The following TNRC6A variants were observed in gnomAD, a reference collection of about 807,000 sequenced individuals.
TNRC6A encodes trinucleotide repeat-containing gene 6A protein.
Under a neutral mutation model 221.2 loss-of-function variants are expected in TNRC6A, and 44 were observed. That is an observed-to-expected ratio of 0.20 (90% CI 0.16 to 0.26). TNRC6A has a LOEUF of 0.26. Among genes scored for constraint, TNRC6A ranks in the 10% least tolerant of loss-of-function variants. TNRC6A has a pLI of 1.00. For missense variants in TNRC6A, 2,199 were observed against 2,404.4 expected (o/e 0.91, Z 1.79); for synonymous variants, 847 against 838.5 (o/e 1.01, Z -0.18).
intron 2 of TNRC6A, among the ~76,000 whole-genome samples, chr16:24,691,826 G>C (rs1262352921): frequency 6.6e-6 from 1 of 151,986 alleles, no homozygotes; most frequent in Non-Finnish European, 1.5e-5. Context: ...AAGAAGGACA[G>C]ACATCTGGAA....
chr16:24,658,191 G>A (rs948636657), intron 2 of TNRC6A, among the ~76,000 whole-genome samples: 3 of 152,080 alleles, frequency 2.0e-5, no homozygotes, highest in Non-Finnish European at 4.4e-5. Flanking sequence ...TTTTGTTTCT[G>A]CTTGCTGTTT....
intron 2 of TNRC6A, among the ~76,000 whole-genome samples, chr16:24,681,635 A>C (rs916660591): frequency 7.9e-5 from 12 of 152,154 alleles, no homozygotes; most frequent in Non-Finnish European, 1.3e-4. Flanking sequence ...CATTGTATAC[A>C]TGTGTTGTAA....
In TNRC6A at chr16:24,790,542, G is replaced by A; in HGVS notation, c.1900G>A (p.Gly634Ser). 1 of 1,614,224 alleles carries A rather than the reference G, an allele frequency of 6.2e-7. No individual in the cohort carries two copies. Among genetic ancestry groups the A allele is most frequent in the Non-Finnish European group, 8.5e-7 (1 of 1,180,050 alleles). ...QHSNDSANGN[G>S]KTFTNGWKST... ...TTCCAATGATAGTGCAAATGGCAAT[G>A]GTAAGACGTTTACAAATGGATGGAA... The change falls in exon 6 of 25, where the codon GGT becomes AGT. Residue 634 changes from glycine to serine, a missense_variant. By Grantham distance (56) the Gly-to-Ser change is moderately conservative. Coordinates refer to ENST00000395799, the MANE Select transcript of TNRC6A (RefSeq NM_014494.4).
intron 20 of TNRC6A, among the ~76,000 whole-genome samples, chr16:24,818,114 T>C (rs1212270069): frequency 6.6e-6 from 1 of 152,120 alleles, no homozygotes; most frequent in African/African-American, 2.4e-5. Flanking sequence ...AATGGAAAGC[T>C]ACACCAGGTT....
At chr16:24,625,731 T>TCAAAA (rs1334208676) in intron 1 of TNRC6A, among the ~76,000 whole-genome samples, 2 of 47,348 alleles carry the variant, frequency 4.2e-5, no homozygotes, top group Non-Finnish European at 3.6e-5. Flanking sequence ...AGACTCCGTC[T>TCAAAA]CAAAACAAAA....
chr16:24,646,938 A>C (rs998517279), intron 2 of TNRC6A, among the ~76,000 whole-genome samples: 3 of 151,814 alleles, frequency 2.0e-5, no homozygotes, highest in African/African-American at 7.3e-5. Context: ...TTATTTATTC[A>C]TTTATTTTGA....
Position 24,730,253 on chromosome 16 carries a change from A to G in TNRC6A, c.6A>G (p.Arg2=). Residue 2 remains arginine, a splice_region_variant and synonymous_variant, in exon 2 of 25, where the codon AGA becomes AGG. Coordinates refer to ENST00000395799, the MANE Select transcript of TNRC6A (RefSeq NM_014494.4). ...TTTTGTTTTTGTTTTTTTGTTTCAG[A>G]GAATTGGAAGCTAAAGCTACCAAAG... M[R]ELEAKATKDV... 6.2e-7 allele frequency: 1 copy of G among 1,600,798 alleles called. No individual in the cohort carries two copies. Among genetic ancestry groups the G allele is most frequent in the East Asian group, 2.3e-5 (1 of 43,450 alleles).
intron 5 of TNRC6A, among the ~76,000 whole-genome samples, chr16:24,780,843 A>C (rs944944611): frequency 6.6e-6 from 1 of 152,046 alleles, no homozygotes; most frequent in South Asian, 2.1e-4. Context: ...TGTTAACATT[A>C]AAGTTTCTGG....
intron 22 of TNRC6A, chr16:24,821,861 C>T (rs2058771991): frequency 1.7e-6 from 1 of 576,624 alleles, no homozygotes; most frequent in African/African-American, 1.9e-5. Flanking sequence ...GGGAGCCATT[C>T]TGAGCTCACT....
intron 4 of TNRC6A, among the ~76,000 whole-genome samples, chr16:24,774,252 C>T (rs1218592124): frequency 6.6e-6 from 1 of 152,202 alleles, no homozygotes; most frequent in African/African-American, 2.4e-5. Context: ...ACTCCTTCTG[C>T]ACTCATTACT....
intron 2 of TNRC6A, among the ~76,000 whole-genome samples, chr16:24,649,325 T>C (rs570976045): frequency 1.3e-3 from 194 of 152,250 alleles, no homozygotes; most frequent in Non-Finnish European, 1.5e-3. Flanking sequence ...TTTTGTTTTT[T>C]TGAGACAGGG....
intron 4 of TNRC6A, among the ~76,000 whole-genome samples, chr16:24,771,811 T>C (rs962834434): frequency 2.0e-5 from 3 of 152,166 alleles, no homozygotes; most frequent in Non-Finnish European, 2.9e-5. Flanking sequence ...TGTTATACTA[T>C]AGGACCTTCT....
At chr16:24,654,203 G>T (rs1902828180) in intron 2 of TNRC6A, among the ~76,000 whole-genome samples, 2 of 152,154 alleles carry the variant, frequency 1.3e-5, no homozygotes, top group South Asian at 4.1e-4. Flanking sequence ...TGGGATTACA[G>T]GTGTGACCCA....
intron 5 of TNRC6A, among the ~76,000 whole-genome samples, chr16:24,783,637 C>T (rs1417600610): frequency 2.6e-5 from 4 of 151,886 alleles, no homozygotes; most frequent in African/African-American, 9.7e-5. Flanking sequence ...CTAAATAACG[C>T]GCAACCTTCC....
intron 9 of TNRC6A, among the ~76,000 whole-genome samples, chr16:24,797,152 C>T (rs1031841637): frequency 3.3e-5 from 5 of 152,114 alleles, no homozygotes; most frequent in Non-Finnish European, 7.4e-5. Flanking sequence ...TTCCAGAAAT[C>T]TAAATTATAA....
At position 24,820,222 on chromosome 16, in the gene TNRC6A, T is replaced by C. The variant is rs1355627993; in HGVS notation, c.5164T>C (p.Leu1722=). ...SLAHELWKVP[L]PPKNITAPSR... is the part of the protein sequence containing the mutation. ...GGCTCATGAGCTGTGGAAGGTCCCT[T>C]TGCCACCTAAAAACATCACTGCTCC... Residue 1722 remains leucine (L), a synonymous_variant, in exon 22 of 25, where the codon TTG becomes CTG. Transcript: ENST00000395799. The C allele has an allele frequency of 6.2e-7, 1 of 1,614,132 alleles. No homozygotes were observed. The highest frequency in any genetic ancestry group is 1.3e-5 in the African/African-American group (1 of 75,036).
In TNRC6A at chr16:24,710,672, T is replaced by C. The variant is rs565177662; in HGVS notation, n.403-40054T>C. On this transcript the variant is annotated intron_variant and non_coding_transcript_variant, in intron 2 of 2. Transcript: ENST00000566108. ...GTTTTTCCTTTTTAATTTAGAAGCA[T>C]TTTGTTGGAGGTGTTTTGCAATTAC... is the stretch of plus-strand genomic sequence containing the variant. 2.0e-5 allele frequency among the ~76,000 whole-genome samples: 3 copies of C among 152,272 alleles called. No individual in the cohort carries two copies. In the East Asian group the frequency reaches 5.8e-4, roughly 29 times the overall value.
chr16:24,794,740 GC>G (rs749409489), intron 8 of TNRC6A, 21 bp downstream of exon 8: 89 of 1,579,808 alleles, frequency 5.6e-5, no homozygotes, highest in Middle Eastern at 1.7e-4. Context: ...CAAGGGCAAA[GC>G]CCTTGAAACT....
intron 2 of TNRC6A, among the ~76,000 whole-genome samples, chr16:24,712,959 A>G (rs796193735): frequency 4.5e-4 from 54 of 119,934 alleles, no homozygotes; most frequent in East Asian, 2.2e-3. Flanking sequence ...GTGTGTGTGT[A>G]TAGAGGTGAG....
Sources: gnomAD v4.1 joint callset for allele counts (sites outside exome capture counted in the v4.1 genomes callset) on GRCh38, gnomAD v4.1.1 for gene constraint, MANE v1.5 for transcripts, NCBI Gene and HGNC (gene_info 2026-07-23, HGNC 2026-07-21) for gene names.